The following PDE6A variants were observed in gnomAD, a reference collection of about 807,000 sequenced individuals.
The protein encoded by PDE6A is rod cGMP-specific 3',5'-cyclic phosphodiesterase subunit alpha.
PDE6A carries 84 observed loss-of-function variants against 106.3 expected under a neutral mutation model. The ratio of observed to expected loss-of-function variants is 0.79; its 90% CI spans 0.66 to 0.95. The LOEUF (loss-of-function observed/expected upper bound fraction) is 0.95, where lower values mean the gene tolerates loss of function less well. Among genes scored for constraint, PDE6A ranks in the 40% least tolerant of loss-of-function variants. The pLI, the probability that PDE6A is intolerant of heterozygous loss-of-function variation, is 0.00. For missense variants in PDE6A, 1,052 were observed against 1,084.9 expected, an observed-to-expected ratio of 0.97 and a Z score of 0.43; for synonymous variants, 394 against 386.6, an observed-to-expected ratio of 1.02 and a Z score of -0.23.
At chr5:149,877,247 G>T (rs944293448) in intron 17 of PDE6A, among the ~76,000 whole-genome samples, 2 of 151,986 alleles carry the variant, frequency 1.3e-5, no homozygotes, top group South Asian at 2.1e-4. Flanking sequence ...GGGAGTGCCT[G>T]GCAATTAAAG....
intron 4 of PDE6A, among the ~76,000 whole-genome samples, chr5:149,927,230 A>G (rs1421946053): frequency 1.3e-5 from 2 of 152,194 alleles, no homozygotes; most frequent in Non-Finnish European, 2.9e-5. Flanking sequence ...TCATACACCT[A>G]TAAAGGGCAC....
At chr5:149,876,184 C>T (rs1760731569) in intron 17 of PDE6A, among the ~76,000 whole-genome samples, 1 of 151,954 alleles carries the variant, frequency 6.6e-6, no homozygotes, top group Non-Finnish European at 1.5e-5. Flanking sequence ...ACAAAATATA[C>T]TACCTATTTT....
At chr5:149,943,623 T>C (rs941854490) in intron 1 of PDE6A, among the ~76,000 whole-genome samples, 3 of 152,216 alleles carry the variant, frequency 2.0e-5, no homozygotes, top group African/African-American at 7.2e-5. Flanking sequence ...TCCCAGCAGA[T>C]AATGGTGTCG....
At chr5:149,895,156 C>T in intron 13 of PDE6A, 27 bp downstream of exon 13, 1 of 1,440,296 alleles carries the variant, frequency 6.9e-7, no homozygotes, top group Non-Finnish European at 9.8e-7. Flanking sequence ...CAAGCCCACC[C>T]TACCAGCCCC....
chr5:149,919,454 G>A (rs1753642449), intron 5 of PDE6A, among the ~76,000 whole-genome samples: 1 of 152,206 alleles, frequency 6.6e-6, no homozygotes, highest in African/African-American at 2.4e-5. Flanking sequence ...GTTGCAGTGA[G>A]CTGAGATCAT....
At chr5:149,870,941 G>GAAAAGAAA (rs1561684614) in intron 17 of PDE6A, among the ~76,000 whole-genome samples, 3 of 140,600 alleles carry the variant, frequency 2.1e-5, no homozygotes, top group African/African-American at 9.1e-5. Flanking sequence ...AGGAAGAGAA[G>GAAAAGAAA]AGAAGAGAAA....
chr5:149,898,051 T>TTA (rs1447441423), intron 10 of PDE6A, among the ~76,000 whole-genome samples: 2 of 152,116 alleles, frequency 1.3e-5, no homozygotes, highest in Non-Finnish European at 2.9e-5. Context: ...AAAATGGAGT[T>TTA]TCTAGAGCTG....
At chr5:149,907,764 T>C (rs1012951194) in intron 6 of PDE6A, among the ~76,000 whole-genome samples, 1 of 152,248 alleles carries the variant, frequency 6.6e-6, no homozygotes. Flanking sequence ...TGCTAAGCAC[T>C]AAGCTAAGTG....
chr5:149,939,877 A>C (rs1307126621), intron 1 of PDE6A, among the ~76,000 whole-genome samples: 2 of 152,120 alleles, frequency 1.3e-5, no homozygotes, highest in African/African-American at 2.4e-5. Context: ...ACAGAATAGC[A>C]GAGCAATTAA....
chr5:149,944,242 G>A lies in PDE6A; in HGVS notation c.432C>T (p.Val144=), dbSNP rs367856425. 8.7e-6 allele frequency: 14 copies of A among 1,613,680 alleles called. No individual in the cohort carries two copies. Among genetic ancestry groups the A allele is most frequent in the Middle Eastern group, 3.3e-4 (2 of 6,084 alleles). ...FPLDMGIVGH[V]AHSKKIANVP... ...CGTTAGCAATCTTCTTAGAGTGTGC[G>A]ACATGGCCCACGATGCCCATGTCCA... The change falls in exon 1 of 22, where the codon GTC becomes GTT. Residue 144 remains valine, a synonymous_variant. Transcript: ENST00000255266.
chr5:149,895,060 A>C (rs1385903520), intron 13 of PDE6A, 123 bp downstream of exon 13: 2 of 720,242 alleles, frequency 2.8e-6, no homozygotes, highest in East Asian at 5.3e-5. Context: ...CTGCTTTCAC[A>C]TAACTCTTAA....
At chr5:149,932,245 G>C in intron 3 of PDE6A, 1 of 1,405,484 alleles carries the variant, frequency 7.1e-7, no homozygotes, top group South Asian at 1.2e-5. Context: ...TTTCTGACCA[G>C]CTGTCCATTT....
At chr5:149,920,577 T>A (rs190362951) in intron 5 of PDE6A, among the ~76,000 whole-genome samples, 9 of 152,124 alleles carry the variant, frequency 5.9e-5, no homozygotes, top group African/African-American at 1.2e-4. Context: ...CAAAACTCCA[T>A]CTCAAAAAGA....
At chr5:149,941,171 C>T (rs907292059) in intron 1 of PDE6A, among the ~76,000 whole-genome samples, 6 of 152,200 alleles carry the variant, frequency 3.9e-5, no homozygotes, top group Non-Finnish European at 7.3e-5. Flanking sequence ...ACACCAAGTG[C>T]TTACCAAGCA....
intron 20 of PDE6A, among the ~76,000 whole-genome samples, chr5:149,865,239 CAAAAAA>C (rs368494356): frequency 9.5e-6 from 1 of 105,560 alleles, no homozygotes; most frequent in Non-Finnish European, 1.9e-5. Flanking sequence ...GATTCTGTCT[CAAAAAA>C]AAAAAAAAAA....
intron 17 of PDE6A, among the ~76,000 whole-genome samples, chr5:149,875,577 C>A (rs1296154616): frequency 6.6e-6 from 1 of 150,938 alleles, no homozygotes; most frequent in Non-Finnish European, 1.5e-5. Flanking sequence ...GCAGCCTCAA[C>A]CTCTCGGGCT....
In PDE6A at chr5:149,899,646, A is replaced by T. The variant is rs1024160277; in HGVS notation, c.1114-122T>A. 3.1e-6 allele frequency: 3 copies of T among 959,230 alleles called. No individual in the cohort carries two copies. The African/African-American group carries it at 4.8e-5, about 15-fold the overall frequency. The allele number at this position is 959,230 out of a possible 1,614,324, so 59.4% of individuals were successfully genotyped here. ...AGGAGGTGGCAAGAGGATGGAGTTC[A>T]TTGGATTTCGCATGAGTTTAATTAC... On this transcript the variant is annotated intron_variant, in intron 8 of 21. Coordinates refer to ENST00000255266, the MANE Select transcript of PDE6A (RefSeq NM_000440.3).
chr5:149,931,827 A>T lies in PDE6A; in HGVS notation c.718-659T>A, dbSNP rs150488689. Among the ~76,000 whole-genome samples, 1,067 of 152,330 alleles carry T rather than the reference A, an allele frequency of 7.0e-3. 14 individuals carry two copies. Among genetic ancestry groups the T allele is most frequent in the African/African-American group, 0.024 (1,009 of 41,570 alleles). On this transcript the variant is annotated intron_variant, in intron 3 of 21. Transcript: ENST00000255266. ...CTTTTAAAAAACAAAACTGGAGCCT[A>T]TTTACAAAACATGCAAAAGGAGAAT...
rs147790386 is a variant in PDE6A at position 149,932,924 on chromosome 5, C to A, written c.717+1006G>T. On this transcript the variant is annotated intron_variant, in intron 3 of 21. Coordinates refer to ENST00000255266, the MANE Select transcript of PDE6A (RefSeq NM_000440.3). ...AGTTGGCCGAGAGCACGGAGGCGCC[C>A]AGGCACAGCACCGGCGGAGTGGCCA... is the stretch of plus-strand genomic sequence containing the variant. Among the ~76,000 whole-genome samples the A allele has an allele frequency of 7.1e-3, 1,078 of 152,356 alleles. 14 individuals are homozygous for A. Among genetic ancestry groups the A allele is most frequent in the African/African-American group, 0.025 (1,022 of 41,590 alleles).
Sources: gnomAD v4.1 joint callset for allele counts (sites outside exome capture counted in the v4.1 genomes callset) on GRCh38, gnomAD v4.1.1 for gene constraint, MANE v1.5 for transcripts, NCBI Gene and HGNC (gene_info 2026-07-23, HGNC 2026-07-21) for gene names.